ADAP1: variants seen among roughly 807,000 people sequenced by gnomAD.
ADAP1 encodes ArfGAP with dual PH domains 1, also known as arf-GAP with dual PH domain-containing protein 1.
A neutral mutation model predicts 54.9 loss-of-function variants in ADAP1; 31 were observed. That is an observed-to-expected ratio of 0.56 (90% confidence interval 0.42 to 0.76). The LOEUF (loss-of-function observed/expected upper bound fraction) is 0.76. ADAP1 is among the 30% of genes least tolerant of loss of function. The probability of loss-of-function intolerance (pLI) is 0.00; values close to 1 mark genes in which losing one functional copy is unlikely to be tolerated. For missense variants in ADAP1, 535 were observed against 512.4 expected (o/e 1.04, Z -0.42); for synonymous variants, 313 against 202.6 (o/e 1.55, Z -4.63).
chr7:905,442 AGAAAGGGAGAAAGG>A (rs1562911856), intron 4 of ADAP1: 18 of 75,436 alleles, frequency 2.4e-4, no homozygotes, highest in East Asian at 4.4e-4. Flanking sequence ...GGAGAAAGGG[AGAAAGGGAGAAAGG>A]GAAAGGAGAA....
rs998299765 is a variant in ADAP1 at position 920,580 on chromosome 7, C to T, written c.306-530G>A. Among the ~76,000 whole-genome samples, 8 of 152,138 alleles carry T rather than the reference C, an allele frequency of 5.3e-5. No homozygotes were observed. Among genetic ancestry groups the T allele is most frequent in the African/African-American group, 1.4e-4 (6 of 41,420 alleles). Reference sequence around the variant, plus strand: ...CGTGGTTCTGAGACACAGGACGGAGCTATCAGGGCACCCGTCGAGGTCAGG... The same window carrying T: ...CGTGGTTCTGAGACACAGGACGGAGTTATCAGGGCACCCGTCGAGGTCAGG... On this transcript the variant is annotated intron_variant, in intron 3 of 10. Coordinates refer to ENST00000265846, the MANE Select transcript of ADAP1 (RefSeq NM_006869.4). This position sits in a 1 kb window ranked among gnomAD's most constrained non-coding sequence, Gnocchi z 4.5.
rs770476141 is a variant in ADAP1, at chr7:900,144, C to T, written c.753G>A (p.Arg251=). 3.1e-6 allele frequency: 5 copies of T among 1,613,294 alleles called. No homozygotes were observed. The highest frequency in any genetic ancestry group is 4.5e-5 in the East Asian group (2 of 44,868). Reference sequence around the variant, plus strand: ...CCATGTAGCCTTCCTTCAGGTAGTTCCTGGAGAGCTTTGGCACCAGCTAGG... The same window carrying T: ...CCATGTAGCCTTCCTTCAGGTAGTTTCTGGAGAGCTTTGGCACCAGCTAGG... The part of the protein sequence containing the change: ...GDADLVPKLS[R]NYLKEGYMEK... The change falls in exon 8 of 11, where the codon AGG becomes AGA. Residue 251 remains arginine, a synonymous_variant. Transcript: ENST00000265846.
chr7:953,798 G>C (rs999917425), intron 1 of ADAP1, among the ~76,000 whole-genome samples: 3 of 152,216 alleles, frequency 2.0e-5, no homozygotes, highest in African/African-American at 4.8e-5. Context: ...GAGAACGAAC[G>C]GGCGGGCGGC....
rs1382735122 is a variant in ADAP1 at position 954,545 on chromosome 7, C to A, written c.-68G>T. On this transcript the variant is annotated 5_prime_UTR_variant, in exon 1 of 11. Coordinates refer to ENST00000265846, the MANE Select transcript of ADAP1 (RefSeq NM_006869.4). ...GGAGCGTCAGCCCGGCTCGCTAGGG[C>A]CCCGCGCAGGCCGCCCGCCGCCGCC... The A allele has an allele frequency of 2.0e-6, 2 of 993,532 alleles. No individual in the cohort carries two copies. The highest frequency in any genetic ancestry group is 2.4e-6 in the Non-Finnish European group (2 of 836,752). The allele number at this position is 993,532 out of a possible 1,614,324, so 61.5% of individuals were successfully genotyped here.
chr7:944,050 G>A (rs1847078259), intron 1 of ADAP1, among the ~76,000 whole-genome samples: 1 of 151,662 alleles, frequency 6.6e-6, no homozygotes, highest in African/African-American at 2.4e-5. Context: ...TGAGTAGCTG[G>A]GACTACAGGT....
intron 4 of ADAP1, among the ~76,000 whole-genome samples, chr7:912,091 C>T (rs1196557069): frequency 2.0e-5 from 3 of 152,228 alleles, no homozygotes; most frequent in Non-Finnish European, 4.4e-5. Context: ...ACAGCCCCAG[C>T]CCCCTCCTGG....
chr7:931,470 G>A (rs6956296), intron 2 of ADAP1, among the ~76,000 whole-genome samples: 40,342 of 151,990 alleles, frequency 0.27, 6,115 homozygotes, highest in African/African-American at 0.41. Context: ...GAAAGGAGTC[G>A]GACGCCGAAG....
At chr7:900,876 G>A in intron 6 of ADAP1, 2 of 620,210 alleles carry the variant, frequency 3.2e-6, no homozygotes, top group South Asian at 1.5e-5. Flanking sequence ...AAGGGCCGAA[G>A]GGCCGAAGGG....
At chr7:911,103 C>A (rs1845703774) in intron 4 of ADAP1, among the ~76,000 whole-genome samples, 1 of 152,184 alleles carries the variant, frequency 6.6e-6, no homozygotes, top group Non-Finnish European at 1.5e-5. Flanking sequence ...AACCAGCGGG[C>A]CGTATCCTGC....
chr7:898,996 G>A (rs1410395510), intron 10 of ADAP1, 37 bp downstream of exon 10: 3 of 1,609,848 alleles, frequency 1.9e-6, no homozygotes, highest in African/African-American at 2.7e-5. Context: ...GGGGAGCTGG[G>A]AGCCCTTCCA....
chr7:954,842 C>T (rs1254712588), upstream of ADAP1: 12 of 601,078 alleles, frequency 2.0e-5, no homozygotes, highest in Non-Finnish European at 2.1e-5. Context: ...CGCCCGCCCC[C>T]CATCCGCGCG....
chr7:955,293 C>T (rs1455070321), upstream of ADAP1: 5 of 1,550,032 alleles, frequency 3.2e-6, no homozygotes, highest in East Asian at 9.8e-5. Context: ...TTGATGTCAC[C>T]TCTTCCCAGA....
chr7:926,705 C>G lies in ADAP1; in HGVS notation c.214-61G>C. On this transcript the variant is annotated intron_variant, in intron 2 of 10. Coordinates refer to ENST00000265846, the MANE Select transcript of ADAP1 (RefSeq NM_006869.4). The surrounding 1 kb of genome is among the most constrained non-coding windows in gnomAD (Gnocchi z 4.6). Reference sequence around the variant, plus strand: ...GTCCCAGGGGCAGCCTAGGAGGTGCCAGCTGCCCTTGGGGCCGTCACCACA... The same window carrying G: ...GTCCCAGGGGCAGCCTAGGAGGTGCGAGCTGCCCTTGGGGCCGTCACCACA... 1.5e-6 allele frequency: 2 copies of G among 1,372,662 alleles called. No individual in the cohort carries two copies. The highest frequency in any genetic ancestry group is 2.0e-6 in the Non-Finnish European group (2 of 1,021,886). The allele number at this position is 1,372,662 out of a possible 1,614,324, so 85.0% of individuals were successfully genotyped here.
At chr7:949,333 T>C (rs1847215135) in intron 1 of ADAP1, among the ~76,000 whole-genome samples, 2 of 152,272 alleles carry the variant, frequency 1.3e-5, no homozygotes, top group South Asian at 4.1e-4. Flanking sequence ...TCCCTTCCTG[T>C]TTCCTCATTC....
In ADAP1 at chr7:914,463, C is replaced by T. The variant is rs147018626; in HGVS notation, c.388+5505G>A. ...GGGAGGCCCGGGAACTGCCAACTGG[C>T]GCTGGAGCCCTGTGGAGGAGGCTCT... is the stretch of plus-strand genomic sequence containing the variant. On this transcript the variant is annotated intron_variant, in intron 4 of 10. Transcript: ENST00000265846. 7.9e-3 allele frequency among the ~76,000 whole-genome samples: 1,202 copies of T among 152,326 alleles called. 76 individuals are homozygous for T. Among genetic ancestry groups the T allele is most frequent in the Admixed American group, 0.068 (1,035 of 15,306 alleles).
At chr7:939,660 G>A (rs1175735764) in intron 1 of ADAP1, among the ~76,000 whole-genome samples, 1 of 151,706 alleles carries the variant, frequency 6.6e-6, no homozygotes, top group Non-Finnish European at 1.5e-5. Context: ...GTGAAACCCC[G>A]TCTCTACTAA....
Position 904,206 on chromosome 7 carries a change from C to T in ADAP1, c.568G>A (p.Gly190Ser), listed in dbSNP as rs370538517. Reference sequence around the variant, plus strand: ...GTGACCTGCAGGCCGTGGGGGTGGCCGATCTTGGCCGGCTGGAAGGTGGCG... The same window carrying T: ...GTGACCTGCAGGCCGTGGGGGTGGCTGATCTTGGCCGGCTGGAAGGTGGCG... ...LNATFQPAKI[G>S]HPHGLQVTYL... The change falls in exon 6 of 11, where the codon GGC becomes AGC. Residue 190 changes from glycine (G) to serine (S), a missense_variant. Gly to Ser is a moderately conservative substitution (Grantham distance 56). Transcript: ENST00000265846. 3.7e-5 allele frequency: 60 copies of T among 1,611,162 alleles called. No individual in the cohort carries two copies. The highest frequency in any genetic ancestry group is 2.3e-4 in the Admixed American group (14 of 59,818).
chr7:931,234 G>C (rs1264990951), intron 2 of ADAP1, among the ~76,000 whole-genome samples: 3 of 152,206 alleles, frequency 2.0e-5, no homozygotes, highest in African/African-American at 7.2e-5. Context: ...GTGGGAGACA[G>C]GGAAGGAGAC....
rs138787313 is a variant in ADAP1, at chr7:920,450, C to T, written c.306-400G>A. Among the ~76,000 whole-genome samples, 2 of 151,388 alleles carry T rather than the reference C, an allele frequency of 1.3e-5. No homozygotes were observed. Among genetic ancestry groups the T allele is most frequent in the African/African-American group, 4.9e-5 (2 of 41,234 alleles). On this transcript the variant is annotated intron_variant, in intron 3 of 10. Transcript: ENST00000265846. This position sits in a 1 kb window ranked among gnomAD's most constrained non-coding sequence, Gnocchi z 4.5. ...CCTGGGCCCTCCCCGACCCTCCCCA[C>T]CTCGTTGGACCGGATCTGGGAAGTG...
Sources: allele counts gnomAD v4.1 joint callset (sites outside exome capture counted in the v4.1 genomes callset), GRCh38; gene constraint gnomAD v4.1.1; non-coding constraint Gnocchi (gnomAD v3.1); transcripts MANE v1.5; gene names NCBI Gene and HGNC (gene_info 2026-07-23, HGNC 2026-07-21).